The following PMS1 variants were observed in gnomAD, a reference collection of about 807,000 sequenced individuals.
PMS1 encodes the protein PMS1 protein homolog 1.
Under a neutral mutation model 93.1 loss-of-function variants are expected in PMS1, and 79 were observed. The observed-to-expected ratio is 0.85, with a 90% CI of 0.71 to 1.02. The LOEUF is 1.02. PMS1 is among the 50% of genes least tolerant of loss of function. The pLI is 0.00. For missense variants in PMS1, 1,064 were observed against 1,085.3 expected (o/e 0.98, Z 0.28); for synonymous variants, 335 against 363.4 (o/e 0.92, Z 0.89).
chr2:189,821,621 C>T (rs1031761525), intron 5 of PMS1, among the ~76,000 whole-genome samples: 1 of 152,016 alleles, frequency 6.6e-6, no homozygotes, highest in African/African-American at 2.4e-5. Flanking sequence ...CCAGCCTGGC[C>T]GACATGGTGA....
intron 3 of PMS1, among the ~76,000 whole-genome samples, chr2:189,798,300 A>G (rs2049543100): frequency 1.3e-5 from 2 of 152,204 alleles, no homozygotes; most frequent in South Asian, 2.1e-4. Flanking sequence ...GCTGTGTAAC[A>G]TGTCTTAAGT....
chr2:189,799,076 C>T (rs1398084028), intron 3 of PMS1, among the ~76,000 whole-genome samples: 1 of 152,128 alleles, frequency 6.6e-6, no homozygotes, highest in East Asian at 1.9e-4. Flanking sequence ...ATTACTTAAA[C>T]CCACTTGATA....
chr2:189,873,884 C>A (rs1176988080), intron 12 of PMS1, among the ~76,000 whole-genome samples: 1 of 152,156 alleles, frequency 6.6e-6, no homozygotes, highest in Non-Finnish European at 1.5e-5. Context: ...TCTTGTGGAA[C>A]AATTTCCTGA....
intron 5 of PMS1, among the ~76,000 whole-genome samples, chr2:189,830,814 T>C (rs1393402873): frequency 3.4e-4 from 51 of 152,198 alleles, no homozygotes; most frequent in Non-Finnish European, 2.9e-5. Flanking sequence ...AAGCAGATGG[T>C]ATCAGTGTAG....
intron 4 of PMS1, among the ~76,000 whole-genome samples, chr2:189,811,397 G>A (rs1325667250): frequency 6.6e-6 from 1 of 151,866 alleles, no homozygotes; most frequent in Non-Finnish European, 1.5e-5. Flanking sequence ...AGACCAGCCT[G>A]GCCAAAATGG....
At chr2:189,812,859 T>C (rs2050962128) in intron 4 of PMS1, among the ~76,000 whole-genome samples, 1 of 151,994 alleles carries the variant, frequency 6.6e-6, no homozygotes, top group African/African-American at 2.4e-5. Context: ...AAGCAGGAGG[T>C]TTAGCTTAGA....
intron 5 of PMS1, among the ~76,000 whole-genome samples, chr2:189,838,428 C>T (rs906525840): frequency 1.3e-5 from 2 of 152,100 alleles, no homozygotes; most frequent in Non-Finnish European, 2.9e-5. Flanking sequence ...GTTCTTGGTA[C>T]CAGAGACTCA....
intron 4 of PMS1, among the ~76,000 whole-genome samples, chr2:189,816,384 T>C (rs1026216889): frequency 6.6e-6 from 1 of 152,198 alleles, no homozygotes; most frequent in African/African-American, 2.4e-5. Context: ...GTTTGTCTTC[T>C]AGTGTTATAG....
intron 11 of PMS1, among the ~76,000 whole-genome samples, chr2:189,870,507 T>C (rs892781237): frequency 3.9e-5 from 6 of 152,246 alleles, no homozygotes; most frequent in Non-Finnish European, 8.8e-5. Context: ...TCAAGGGTTA[T>C]TGTTACATAG....
chr2:189,823,380 G>T (rs2052122937), intron 5 of PMS1, among the ~76,000 whole-genome samples: 1 of 151,892 alleles, frequency 6.6e-6, no homozygotes, highest in African/African-American at 2.4e-5. Context: ...CCATTAACTT[G>T]TCATTTACAT....
intron 5 of PMS1, among the ~76,000 whole-genome samples, chr2:189,833,930 A>T (rs887436343): frequency 6.6e-6 from 1 of 152,190 alleles, no homozygotes; most frequent in African/African-American, 2.4e-5. Flanking sequence ...AACTTACTTA[A>T]CTACATATCA....
chr2:189,864,116 G>GATT lies in PMS1; in HGVS notation c.2230_2231insATT (p.Val744delinsAspLeu), dbSNP rs2056323951. 2 of 1,613,002 alleles carry GATT rather than the reference G, an allele frequency of 1.2e-6. No homozygotes were observed. The highest frequency in any genetic ancestry group is 2.7e-5 in the African/African-American group (2 of 74,774). ...ATGGCTAATGACATCCAAAACAGAGGTAATGTTATTAAATCCATATAGAGT... is the reference window on the plus strand; with the variant it reads ...ATGGCTAATGACATCCAAAACAGAGGATTTAATGTTATTAAATCCATATAGAGT... On this transcript the variant is annotated protein_altering_variant, in exon 10 of 13. Transcript: ENST00000441310.
chr2:189,786,989 G>C, intron 1 of PMS1, among the ~76,000 whole-genome samples: 1 of 152,186 alleles, frequency 6.6e-6, no homozygotes, highest in African/African-American at 2.4e-5. Flanking sequence ...GGAGGTGGAG[G>C]CTGCAGTGAG....
intron 3 of PMS1, among the ~76,000 whole-genome samples, chr2:189,801,347 A>G (rs1365479972): frequency 6.6e-6 from 1 of 152,202 alleles, no homozygotes. Context: ...GAAATTTGTC[A>G]TCTTCAATGT....
At chr2:189,810,636 G>A (rs188392429) in intron 4 of PMS1, among the ~76,000 whole-genome samples, 17 of 152,224 alleles carry the variant, frequency 1.1e-4, no homozygotes, top group African/African-American at 4.1e-4. Flanking sequence ...AAGAAAATTG[G>A]GACTGAGCTA....
rs149988991 is a variant in PMS1, at chr2:189,854,013, C to T, written c.897C>T (p.Ile299=). 10 of 1,608,322 alleles carry T rather than the reference C, an allele frequency of 6.2e-6. No individual in the cohort carries two copies. The highest frequency in any genetic ancestry group is 3.3e-5 in the South Asian group (3 of 89,990). ...TRLYPVFFLK[I]DVPTADVDVN... is the part of the protein sequence containing the mutation. Reference sequence around the variant, plus strand: ...TGTATCCTGTTTTCTTTCTGAAAATCGATGTTCCTACAGCTGATGTTGATG... The same window carrying T: ...TGTATCCTGTTTTCTTTCTGAAAATTGATGTTCCTACAGCTGATGTTGATG... The change falls in exon 8 of 13, where the codon ATC becomes ATT. Residue 299 remains isoleucine (I), a synonymous_variant. Transcript: ENST00000441310.
At chr2:189,876,441 T>C (rs1024031009) in intron 12 of PMS1, among the ~76,000 whole-genome samples, 5 of 152,146 alleles carry the variant, frequency 3.3e-5, no homozygotes, top group Admixed American at 2.6e-4. Context: ...AAAACACCAA[T>C]TCCTCACCCT....
At chr2:189,871,609 T>C (rs1032113603) in intron 11 of PMS1, among the ~76,000 whole-genome samples, 3 of 152,216 alleles carry the variant, frequency 2.0e-5, no homozygotes, top group African/African-American at 7.2e-5. Flanking sequence ...TCTAAGAAGT[T>C]CTAAACTTTC....
At chr2:189,797,931 G>C (rs1477451848) in intron 3 of PMS1, among the ~76,000 whole-genome samples, 1 of 152,186 alleles carries the variant, frequency 6.6e-6, no homozygotes, top group Non-Finnish European at 1.5e-5. Context: ...TTACATTCCT[G>C]ATTAAACCTT....
Sources: allele counts gnomAD v4.1 joint callset (sites outside exome capture counted in the v4.1 genomes callset), GRCh38; gene constraint gnomAD v4.1.1; transcripts MANE v1.5; gene names NCBI Gene and HGNC (gene_info 2026-07-23, HGNC 2026-07-21).